The following BTD variants were observed in gnomAD, a reference collection of about 807,000 sequenced individuals.
BTD encodes the protein biotinidase.
In BTD, 13 loss-of-function variants were observed where a neutral mutation model predicts 17.7. The observed-to-expected ratio is 0.74, with a 90% confidence interval of 0.48 to 1.17. The LOEUF is 1.17. Among genes scored for constraint, BTD ranks in the 50% most tolerant of loss-of-function variants. The pLI is 0.00. For synonymous variants in BTD, 240 were observed against 245.2 expected, an observed-to-expected ratio of 0.98 and a Z score of 0.20; for missense variants, 674 against 650.4, an observed-to-expected ratio of 1.04 and a Z score of -0.39.
At position 15,649,819 on chromosome 3, in the gene BTD, T is replaced by G. The variant is rs930868407; in HGVS notation, c.*4331T>G. ...GCCCTTTCTCATTGAACTATTTATC[T>G]GAGTTCCCTCTGCCGGAACATGAGC... On this transcript the variant is annotated 3_prime_UTR_variant, in exon 4 of 4. Coordinates refer to ENST00000643237, the MANE Select transcript of BTD (RefSeq NM_001370658.1). Among the ~76,000 whole-genome samples, 3 of 148,910 alleles carry G rather than the reference T, an allele frequency of 2.0e-5. No homozygotes were observed. Among genetic ancestry groups the G allele is most frequent in the African/African-American group, 7.3e-5 (3 of 41,240 alleles).
At chr3:15,695,066 A>T in intron 3 of BTD, 1 of 841,072 alleles carries the variant, frequency 1.2e-6, no homozygotes, top group Non-Finnish European at 1.9e-6. Flanking sequence ...GATTTCTGTC[A>T]CCGTCTTTGT....
chr3:15,611,715 T>A (rs1396243362), intron 1 of BTD, among the ~76,000 whole-genome samples: 1 of 151,852 alleles, frequency 6.6e-6, no homozygotes, highest in Non-Finnish European at 1.5e-5. Context: ...GAGGCAGAGG[T>A]TGCAATGAGC....
chr3:15,614,641 A>G (rs1443018568), intron 1 of BTD, among the ~76,000 whole-genome samples: 4 of 143,476 alleles, frequency 2.8e-5, no homozygotes, highest in East Asian at 2.0e-4. Flanking sequence ...TCTATTACCC[A>G]GGCTAGAGTG....
At chr3:15,720,293 T>C (rs928130676) in intron 4 of BTD, among the ~76,000 whole-genome samples, 1 of 152,218 alleles carries the variant, frequency 6.6e-6, no homozygotes, top group Non-Finnish European at 1.5e-5. Flanking sequence ...CTGTAAAATT[T>C]GAAAAGATCT....
chr3:15,614,125 CTT>C (rs869148702), intron 1 of BTD, among the ~76,000 whole-genome samples: 25 of 125,258 alleles, frequency 2.0e-4, no homozygotes, highest in Non-Finnish European at 2.4e-4. Flanking sequence ...TTCTTTCTTT[CTT>C]TTTTTTTTTT....
In BTD at chr3:15,650,360, G is replaced by T. The variant is rs2065781684; in HGVS notation, c.*4872G>T. Reference sequence around the variant, plus strand: ...CCAATATATGAACTCTAGGCATCATGCATATATAATTTTTTGTAGATAACT... The same window carrying T: ...CCAATATATGAACTCTAGGCATCATTCATATATAATTTTTTGTAGATAACT... On this transcript the variant is annotated 3_prime_UTR_variant, in exon 4 of 4. Transcript: ENST00000643237. Among the ~76,000 whole-genome samples, 1 of 151,846 alleles carries T rather than the reference G, an allele frequency of 6.6e-6. No homozygotes were observed. The highest frequency in any genetic ancestry group is 1.5e-5 in the Non-Finnish European group (1 of 68,016).
chr3:15,602,109 A>ACGCTCTCATAACCTTGTGGTTTT, intron 1 of BTD: 1 of 1,433,460 alleles, frequency 7.0e-7, no homozygotes, highest in Non-Finnish European at 9.1e-7. Context: ...TTTGTGGTTT[A>ACGCTCTCATAACCTTGTGGTTTT]CGCTCTCATA....
intron 3 of BTD, among the ~76,000 whole-genome samples, chr3:15,697,980 A>C (rs899226591): frequency 6.6e-6 from 1 of 151,978 alleles, no homozygotes; most frequent in Admixed American, 6.6e-5. Context: ...TATGTCCAAG[A>C]ATTTATCCCT....
intron 3 of BTD, among the ~76,000 whole-genome samples, chr3:15,699,171 G>A (rs1575223837): frequency 6.6e-6 from 1 of 152,140 alleles, no homozygotes. Context: ...ATGGTGCTGG[G>A]AAAACTGGCT....
At chr3:15,670,193 G>T in intron 3 of BTD, 2 of 1,467,278 alleles carry the variant, frequency 1.4e-6, no homozygotes, top group Non-Finnish European at 1.8e-6. Context: ...GAATTTCTAC[G>T]TGAATATCAA....
At chr3:15,721,386 T>G (rs1294493779) in intron 4 of BTD, among the ~76,000 whole-genome samples, 1 of 152,212 alleles carries the variant, frequency 6.6e-6, no homozygotes, top group Non-Finnish European at 1.5e-5. Flanking sequence ...CAAAACTGAA[T>G]AATACAAAAG....
At chr3:15,699,737 A>G (rs1044858851) in intron 3 of BTD, among the ~76,000 whole-genome samples, 1 of 152,232 alleles carries the variant, frequency 6.6e-6, no homozygotes, top group Non-Finnish European at 1.5e-5. Context: ...AGGAAACAAC[A>G]GATGCTGGAG....
downstream of BTD, among the ~76,000 whole-genome samples, chr3:15,656,562 C>A (rs1339640338): frequency 5.9e-5 from 9 of 152,182 alleles, no homozygotes. Context: ...AAGTAAATTG[C>A]CTTGCTGAGA....
chr3:15,696,388 T>G (rs1293017714), intron 3 of BTD: 7 of 544,630 alleles, frequency 1.3e-5, no homozygotes, highest in Non-Finnish European at 2.2e-5. Context: ...TATAAAAATG[T>G]CATTTAAATG....
At chr3:15,634,231 C>CA (rs1332094972) in intron 1 of BTD, among the ~76,000 whole-genome samples, 1 of 152,098 alleles carries the variant, frequency 6.6e-6, no homozygotes, top group Non-Finnish European at 1.5e-5. Context: ...AATGCAAACA[C>CA]AGGAGTTATG....
intron 1 of BTD, among the ~76,000 whole-genome samples, chr3:15,632,279 C>T (rs535642045): frequency 6.6e-6 from 1 of 152,310 alleles, no homozygotes; most frequent in East Asian, 1.9e-4. Flanking sequence ...GAGCACGAGC[C>T]CCACGAGGAA....
intron 1 of BTD, among the ~76,000 whole-genome samples, chr3:15,628,615 T>C (rs1575003159): frequency 6.6e-6 from 1 of 152,368 alleles, no homozygotes; most frequent in East Asian, 1.9e-4. Flanking sequence ...CGATGGTTTT[T>C]GGAAGCCATA....
chr3:15,604,330 T>C (rs1048328432), intron 1 of BTD, among the ~76,000 whole-genome samples: 1 of 152,262 alleles, frequency 6.6e-6, no homozygotes, highest in Non-Finnish European at 1.5e-5. Flanking sequence ...GCTTGCACTG[T>C]CTGAAGCCAG....
Position 15,650,766 on chromosome 3 carries a change from T to C in BTD, c.*5278T>C, listed in dbSNP as rs140018052. On this transcript the variant is annotated 3_prime_UTR_variant, in exon 4 of 4. Coordinates refer to ENST00000643237, the MANE Select transcript of BTD (RefSeq NM_001370658.1). The stretch of plus-strand genomic sequence containing the variant: ...CTGAATCAATGATCGGCCAGAGAGC[T>C]GTGATATTCTTTTGTTTTTTTGAGA... 2.5e-3 allele frequency among the ~76,000 whole-genome samples: 385 copies of C among 152,218 alleles called. 1 individual carries two copies. The highest frequency in any genetic ancestry group is 4.4e-3 in the Non-Finnish European group (302 of 67,994).
Sources: gnomAD v4.1 joint callset for allele counts (sites outside exome capture counted in the v4.1 genomes callset) on GRCh38, gnomAD v4.1.1 for gene constraint, MANE v1.5 for transcripts, NCBI Gene and HGNC (gene_info 2026-07-23, HGNC 2026-07-21) for gene names.